Variants in LSAMP observed in about 807,000 individuals in gnomAD.
LSAMP encodes limbic system-associated membrane protein.
LSAMP carries 7 observed loss-of-function variants against 38.6 expected under a neutral mutation model. The ratio of observed to expected loss-of-function variants is 0.18; its 90% CI spans 0.10 to 0.34. LSAMP has a LOEUF of 0.34. Among genes scored for constraint, LSAMP ranks in the 10% least tolerant of loss-of-function variants. The pLI is 1.00. For missense variants in LSAMP, 313 were observed against 420.0 expected, an observed-to-expected ratio of 0.75 and a Z score of 2.23; for synonymous variants, 154 against 166.8, an observed-to-expected ratio of 0.92 and a Z score of 0.59.
intron 1 of LSAMP, among the ~76,000 whole-genome samples, chr3:116,350,540 C>A (rs2048123766): frequency 6.6e-6 from 1 of 152,024 alleles, no homozygotes; most frequent in Non-Finnish European, 1.5e-5. Context: ...TCCCTTTGTC[C>A]TGCTCATCCC....
chr3:116,088,602 G>A (rs1708047032), intron 1 of LSAMP, among the ~76,000 whole-genome samples: 1 of 152,120 alleles, frequency 6.6e-6, no homozygotes, highest in Admixed American at 6.5e-5. Flanking sequence ...ATTCTAGTAA[G>A]AAGGATAGAA....
intron 1 of LSAMP, among the ~76,000 whole-genome samples, chr3:116,408,695 G>A (rs1350354615): frequency 3.9e-5 from 6 of 152,080 alleles, no homozygotes; most frequent in African/African-American, 9.7e-5. Flanking sequence ...ATATCTCAGA[G>A]CTAGTTAATG....
At chr3:116,116,180 G>T (rs1490993540) in intron 1 of LSAMP, among the ~76,000 whole-genome samples, 1 of 147,024 alleles carries the variant, frequency 6.8e-6, no homozygotes, top group East Asian at 2.0e-4. Flanking sequence ...TATGTCTATT[G>T]GGTTTTTTAT....
At chr3:115,937,527 G>C (rs1937744285) in intron 3 of LSAMP, among the ~76,000 whole-genome samples, 1 of 151,952 alleles carries the variant, frequency 6.6e-6, no homozygotes, top group Non-Finnish European at 1.5e-5. Context: ...CATGGTCCCA[G>C]CTACTAGGGA....
At chr3:116,267,056 C>A (rs917395921) in intron 1 of LSAMP, among the ~76,000 whole-genome samples, 3 of 152,264 alleles carry the variant, frequency 2.0e-5, no homozygotes, top group African/African-American at 7.2e-5. Context: ...TTTCTAACTA[C>A]TATCCCAAAG....
chr3:116,441,439 C>A (rs2049433602), intron 1 of LSAMP, among the ~76,000 whole-genome samples: 1 of 152,000 alleles, frequency 6.6e-6, no homozygotes, highest in Admixed American at 6.5e-5. Context: ...TCTTTGTGGC[C>A]AAATATTTTA....
intron 1 of LSAMP, among the ~76,000 whole-genome samples, chr3:116,093,268 G>A (rs1348295075): frequency 2.0e-5 from 3 of 152,124 alleles, no homozygotes; most frequent in East Asian, 1.9e-4. Flanking sequence ...AGTAGGGAGA[G>A]GCCAGGGGTG....
intron 3 of LSAMP, among the ~76,000 whole-genome samples, chr3:115,908,524 G>C (rs749172573): frequency 2.2e-4 from 33 of 152,066 alleles, no homozygotes; most frequent in Non-Finnish European, 4.0e-4. Context: ...GTCCTGTTCT[G>C]ATCCTCCAAA....
intron 1 of LSAMP, chr3:116,367,831 AAAAC>A (rs1439784190): frequency 2.0e-5 from 3 of 151,958 alleles, no homozygotes; most frequent in East Asian, 1.9e-4. Context: ...TTTTTTTAAA[AAAAC>A]AAACAAACGA....
chr3:116,355,396 T>A (rs1322216066), intron 1 of LSAMP, among the ~76,000 whole-genome samples: 2 of 152,226 alleles, frequency 1.3e-5, no homozygotes, highest in Non-Finnish European at 2.9e-5. Context: ...TATAGAAGAA[T>A]GAGACTTGAC....
chr3:116,190,196 C>A (rs115214738), intron 1 of LSAMP, among the ~76,000 whole-genome samples: 4,238 of 151,978 alleles, frequency 0.028, 79 homozygotes, highest in Non-Finnish European at 0.042. Context: ...ACCTCCATTC[C>A]AAATTCCTGG....
intron 1 of LSAMP, among the ~76,000 whole-genome samples, chr3:116,314,799 T>C (rs1344739730): frequency 6.6e-6 from 1 of 152,130 alleles, no homozygotes; most frequent in Non-Finnish European, 1.5e-5. Context: ...AAAAAGACCA[T>C]ATATAGGTTC....
intron 1 of LSAMP, among the ~76,000 whole-genome samples, chr3:116,258,553 TA>T (rs2046785926): frequency 6.6e-6 from 1 of 152,110 alleles, no homozygotes; most frequent in South Asian, 2.1e-4. Flanking sequence ...AATAATATTT[TA>T]AAAAGATGAT....
chr3:116,193,053 C>T (rs536821172), intron 1 of LSAMP, among the ~76,000 whole-genome samples: 21 of 152,118 alleles, frequency 1.4e-4, no homozygotes, highest in Non-Finnish European at 1.6e-4. Context: ...AGGATGAGGG[C>T]GATGTTATTA....
At chr3:116,435,576 A>G (rs1222527811) in intron 1 of LSAMP, among the ~76,000 whole-genome samples, 1 of 152,126 alleles carries the variant, frequency 6.6e-6, no homozygotes, top group Non-Finnish European at 1.5e-5. Context: ...AGAAACCACT[A>G]GACACCTGCA....
intron 1 of LSAMP, among the ~76,000 whole-genome samples, chr3:116,228,655 C>G (rs187207591): frequency 6.6e-6 from 1 of 151,928 alleles, no homozygotes; most frequent in Non-Finnish European, 1.5e-5. Flanking sequence ...GTGGTAGAAG[C>G]GGAGATCACT....
At chr3:116,391,106 G>T (rs186912578) in intron 1 of LSAMP, among the ~76,000 whole-genome samples, 11 of 152,316 alleles carry the variant, frequency 7.2e-5, no homozygotes, top group African/African-American at 2.6e-4. Flanking sequence ...CCCATTTGGG[G>T]TTCTTCCCAT....
intron 2 of LSAMP, among the ~76,000 whole-genome samples, chr3:116,065,530 T>C (rs947134909): frequency 3.9e-5 from 6 of 152,238 alleles, no homozygotes; most frequent in Admixed American, 1.3e-4. Context: ...CTTTACTTTC[T>C]GCACTTTTAG....
At chr3:115,887,004 T>C (rs1368223764) in intron 3 of LSAMP, among the ~76,000 whole-genome samples, 1 of 151,922 alleles carries the variant, frequency 6.6e-6, no homozygotes, top group Admixed American at 6.6e-5. Flanking sequence ...AGACCTAATA[T>C]GAAATGCTAT....
Sources: allele counts gnomAD v4.1 joint callset (sites outside exome capture counted in the v4.1 genomes callset), GRCh38; gene constraint gnomAD v4.1.1; transcripts MANE v1.5; gene names NCBI Gene and HGNC (gene_info 2026-07-23, HGNC 2026-07-21).